MAP4: variants seen among roughly 807,000 people sequenced by gnomAD.
The protein encoded by MAP4 is microtubule associated protein 4.
Under a neutral mutation model 170.2 loss-of-function variants are expected in MAP4, and 76 were observed. That is an observed-to-expected ratio of 0.45 (90% confidence interval 0.37 to 0.54). The LOEUF is 0.54. Ranked by LOEUF, MAP4 falls within the 20% of genes least tolerant of loss-of-function variation. The pLI is 0.00. For synonymous variants in MAP4, 909 were observed against 994.5 expected (o/e 0.91, Z 1.62); for missense variants, 2,506 against 2,748.0 (o/e 0.91, Z 1.97).
At chr3:48,069,414 G>A (rs1236536604) in intron 1 of MAP4, among the ~76,000 whole-genome samples, 2 of 152,186 alleles carry the variant, frequency 1.3e-5, no homozygotes, top group African/African-American at 2.4e-5. Flanking sequence ...CAGTTATTAT[G>A]TGGTACAGAT....
intron 10 of MAP4, among the ~76,000 whole-genome samples, chr3:47,890,757 C>T (rs1318237641): frequency 6.6e-6 from 1 of 152,146 alleles, no homozygotes; most frequent in African/African-American, 2.4e-5. Context: ...CCACCATTCT[C>T]TGACCCCATT....
intron 17 of MAP4, among the ~76,000 whole-genome samples, chr3:47,858,620 TTGTGTGTGTGTGTG>T: frequency 7.0e-6 from 1 of 143,088 alleles, no homozygotes; most frequent in Non-Finnish European, 1.5e-5. Flanking sequence ...TGTGTGCGCG[TTGTGTGTGTGTGTG>T]TGTGTGTGTG....
Position 47,851,583 on chromosome 3 carries a change from C to G in MAP4, c.*1351G>C, listed in dbSNP as rs2042303024. The stretch of plus-strand genomic sequence containing the variant: ...TTATGTTTGAATCCTTTATTAGAAA[C>G]CATGCAAACTTTAATACAAAAAATA... On this transcript the variant is annotated 3_prime_UTR_variant, in exon 21 of 21. Coordinates refer to ENST00000683076, the MANE Select transcript of MAP4 (RefSeq NM_001385682.1). 1 of 152,190 alleles carries G rather than the reference C, an allele frequency of 6.6e-6. No homozygotes were observed. The highest frequency in any genetic ancestry group is 2.4e-5 in the African/African-American group (1 of 41,446). 9.4% of individuals were successfully genotyped at this position (152,190 alleles called of 1,614,324 possible). A position where few individuals can be genotyped will look rare whatever the true frequency, so the allele number is the denominator to read the frequency against.
At position 47,910,980 on chromosome 3, in the gene MAP4, C is replaced by T; in HGVS notation, c.3441G>A (p.Gln1147=). The change falls in exon 9 of 21, where the codon CAG becomes CAA. Residue 1147 remains glutamine (Q), a synonymous_variant. Transcript: ENST00000683076. The stretch of plus-strand genomic sequence containing the variant: ...CCTGCATGGTGCCTGCCACCTTAGG[C>T]TGAGTCATCTCTTTAGGCTCCCCCA... ...VVMGEPKEMT[Q]PKVAGTMQAL... is the part of the protein sequence containing the mutation. 6.5e-7 allele frequency: 1 copy of T among 1,536,176 alleles called. No homozygotes were observed. The highest frequency in any genetic ancestry group is 8.7e-7 in the Non-Finnish European group (1 of 1,146,904).
At position 47,854,465 on chromosome 3, in the gene MAP4, C is replaced by T. The variant is rs143676399; in HGVS notation, c.6696+783G>A. Among the ~76,000 whole-genome samples, 1,247 of 152,262 alleles carry T rather than the reference C, an allele frequency of 8.2e-3. 21 individuals are homozygous for T. The highest frequency in any genetic ancestry group is 0.027 in the African/African-American group (1,110 of 41,544). The stretch of plus-strand genomic sequence containing the variant: ...AGATGGAAGGGAAGGCCCAGGGCAG[C>T]GGCTCCTGGCCCCTCTCCCCTGCGC... On this transcript the variant is annotated intron_variant, in intron 19 of 20. Transcript: ENST00000683076.
intron 1 of MAP4, among the ~76,000 whole-genome samples, chr3:48,063,621 A>G (rs1017659152): frequency 1.3e-5 from 2 of 152,178 alleles, no homozygotes; most frequent in East Asian, 1.9e-4. Flanking sequence ...GTGAATGGAT[A>G]AGCAAATTGT....
intron 1 of MAP4, among the ~76,000 whole-genome samples, chr3:48,080,997 T>A (rs1240160835): frequency 6.6e-6 from 1 of 152,062 alleles, no homozygotes; most frequent in African/African-American, 2.4e-5. Flanking sequence ...GGTGGCGGGC[T>A]CCTGTATTCC....
chr3:47,877,982 T>C (rs934138568), intron 10 of MAP4, among the ~76,000 whole-genome samples: 1 of 152,180 alleles, frequency 6.6e-6, no homozygotes, highest in African/African-American at 2.4e-5. Flanking sequence ...AACCACTTTA[T>C]GGAGGATGTG....
intron 3 of MAP4, among the ~76,000 whole-genome samples, chr3:47,929,437 ACATACAAAG>A (rs2100048056): frequency 6.6e-6 from 1 of 152,108 alleles, no homozygotes; most frequent in African/African-American, 2.4e-5. Context: ...TCAGAAAGAA[ACATACAAAG>A]TTAGGGTCAA....
chr3:47,958,039 T>C (rs1383714610), intron 3 of MAP4, among the ~76,000 whole-genome samples: 3 of 152,156 alleles, frequency 2.0e-5, no homozygotes, highest in African/African-American at 7.2e-5. Context: ...CATTAGAAGA[T>C]GAGACTGCCA....
In MAP4 at chr3:47,997,326, TAAAAA is replaced by T; in HGVS notation, c.223+1307_223+1311del. ...TCTAAACACAACATATTTAAACTGCTAAAAAAAAAAAAAAAAAAAGATAAAATCTT... is the reference window on the plus strand; with the variant it reads ...TCTAAACACAACATATTTAAACTGCTAAAAAAAAAAAAAAGATAAAATCTT... On this transcript the variant is annotated intron_variant, in intron 2 of 20. Transcript: ENST00000683076. Among the ~76,000 whole-genome samples the T allele has an allele frequency of 8.9e-5, 4 of 44,994 alleles. 1 individual carries two copies. The highest frequency in any genetic ancestry group is 2.7e-4 in the Admixed American group (1 of 3,668). The allele number at this position is 44,994 out of a possible 152,430, so 29.5% of individuals were successfully genotyped here.
chr3:48,082,923 G>A (rs1454785909), intron 1 of MAP4, among the ~76,000 whole-genome samples: 5 of 151,764 alleles, frequency 3.3e-5, no homozygotes, highest in Non-Finnish European at 7.4e-5. Flanking sequence ...GCATAACCTC[G>A]GGCTAATCAT....
At chr3:47,955,435 T>TACACACACACACACAC (rs3079351) in intron 3 of MAP4, among the ~76,000 whole-genome samples, 1 of 135,398 alleles carries the variant, frequency 7.4e-6, no homozygotes, top group African/African-American at 2.8e-5. Context: ...AATAAGCACG[T>TACACACACACACACAC]ACACACACAC....
At position 47,916,363 on chromosome 3, in the gene MAP4, C is replaced by T. The variant is rs760626672; in HGVS notation, c.1464G>A (p.Pro488=). 33 of 1,613,982 alleles carry T rather than the reference C, an allele frequency of 2.0e-5. No homozygotes were observed. Among genetic ancestry groups the T allele is most frequent in the African/African-American group, 6.7e-5 (5 of 74,898 alleles). ...CTGTGGACGGAGCCACATCCTTGGC[C>T]GGGGCTATTTCTGTTTCTGGGAGTT... is the stretch of plus-strand genomic sequence containing the variant. ...MAQLPETEIA[P]AKDVAPSTVK... The change falls in exon 7 of 21, where the codon CCG becomes CCA. Residue 488 remains proline, a synonymous_variant. Transcript: ENST00000683076.
intron 1 of MAP4, among the ~76,000 whole-genome samples, chr3:48,046,978 C>A (rs2100124913): frequency 6.6e-6 from 1 of 151,948 alleles, no homozygotes; most frequent in Non-Finnish European, 1.5e-5. Context: ...CCTGTAGTCC[C>A]AGCTACTCGG....
chr3:47,985,423 A>G (rs900034224), intron 2 of MAP4, among the ~76,000 whole-genome samples: 2 of 152,230 alleles, frequency 1.3e-5, no homozygotes, highest in African/African-American at 2.4e-5. Flanking sequence ...AGGGTGACAG[A>G]GTAAGGCCCT....
chr3:48,018,663 C>T (rs553443685), upstream of MAP4, among the ~76,000 whole-genome samples: 1 of 151,888 alleles, frequency 6.6e-6, no homozygotes, highest in Non-Finnish European at 1.5e-5. Context: ...ATTAGCCGGG[C>T]GTGGTGGTGT....
intron 3 of MAP4, among the ~76,000 whole-genome samples, chr3:47,948,980 T>A (rs1259754828): frequency 6.6e-6 from 1 of 152,216 alleles, no homozygotes; most frequent in Non-Finnish European, 1.5e-5. Flanking sequence ...CTCAGAATTC[T>A]ACATTAATCC....
chr3:47,990,950 C>A (rs1479991375), intron 2 of MAP4, among the ~76,000 whole-genome samples: 2 of 152,100 alleles, frequency 1.3e-5, no homozygotes, highest in Non-Finnish European at 2.9e-5. Flanking sequence ...AAGAGTTTGA[C>A]ACCAATTTTA....
Sources: allele counts gnomAD v4.1 joint callset (sites outside exome capture counted in the v4.1 genomes callset), GRCh38; gene constraint gnomAD v4.1.1; transcripts MANE v1.5; gene names NCBI Gene and HGNC (gene_info 2026-07-23, HGNC 2026-07-21).